The following TPRG1 variants were observed in gnomAD, a reference collection of about 807,000 sequenced individuals.
TPRG1 encodes the protein tumor protein p63-regulated gene 1 protein.
Under a neutral mutation model 29.3 loss-of-function variants are expected in TPRG1, and 29 were observed. The observed-to-expected ratio is 0.99, with a 90% CI of 0.74 to 1.35. TPRG1 has a LOEUF of 1.35. TPRG1 is among the 40% of genes most tolerant of loss of function. The pLI is 0.00. For missense variants in TPRG1, 327 were observed against 335.0 expected, an observed-to-expected ratio of 0.98 and a Z score of 0.19; for synonymous variants, 130 against 116.8, an observed-to-expected ratio of 1.11 and a Z score of -0.73.
chr3:189,238,375 G>A (rs756225384), intron 3 of TPRG1, among the ~76,000 whole-genome samples: 6 of 152,214 alleles, frequency 3.9e-5, no homozygotes, highest in Non-Finnish European at 7.3e-5. Context: ...TGTCCATGAA[G>A]GAAGATGTCC....
chr3:189,088,486 C>G (rs922731605), intron 4 of TPRG1, among the ~76,000 whole-genome samples: 8 of 152,110 alleles, frequency 5.3e-5, no homozygotes, highest in African/African-American at 1.4e-4. Context: ...AATTGAATAC[C>G]CTTTATTTCT....
intron 4 of TPRG1, among the ~76,000 whole-genome samples, chr3:189,299,182 A>C (rs1720436509): frequency 6.6e-6 from 1 of 152,070 alleles, no homozygotes; most frequent in South Asian, 2.1e-4. Context: ...CACAAACCTG[A>C]GGCCAGTGAT....
At chr3:189,292,354 T>A (rs543404114) in intron 4 of TPRG1, among the ~76,000 whole-genome samples, 1 of 152,006 alleles carries the variant, frequency 6.6e-6, no homozygotes, top group East Asian at 1.9e-4. Context: ...CCATTAAATT[T>A]TATGTAAAAA....
chr3:189,022,913 C>T (rs184327383), intron 3 of TPRG1, among the ~76,000 whole-genome samples: 62 of 151,854 alleles, frequency 4.1e-4, no homozygotes, highest in African/African-American at 1.3e-3. Context: ...AGCCAGGTGC[C>T]GGATATAATC....
chr3:189,172,888 G>A (rs1728998628), intron 1 of TPRG1, among the ~76,000 whole-genome samples: 2 of 152,206 alleles, frequency 1.3e-5, no homozygotes. Flanking sequence ...AGGCAGCGTA[G>A]TGAGGCACAG....
intron 1 of TPRG1, among the ~76,000 whole-genome samples, chr3:189,111,482 C>T (rs937152535): frequency 4.6e-5 from 7 of 152,044 alleles, no homozygotes; most frequent in Non-Finnish European, 7.4e-5. Flanking sequence ...GGAGGGGCTT[C>T]TTATTTATGA....
intron 1 of TPRG1, among the ~76,000 whole-genome samples, chr3:189,125,134 A>G (rs538752707): frequency 3.3e-4 from 51 of 152,344 alleles, no homozygotes; most frequent in African/African-American, 1.2e-3. Context: ...GCTTATACTC[A>G]GACAAAAAGT....
At chr3:189,144,228 C>A (rs1724950861) in intron 3 of TPRG1, among the ~76,000 whole-genome samples, 1 of 152,188 alleles carries the variant, frequency 6.6e-6, no homozygotes, top group African/African-American at 2.4e-5. Context: ...CACCTACATC[C>A]TCCTGGATTC....
At chr3:189,007,981 G>A (rs141083913) in intron 3 of TPRG1, among the ~76,000 whole-genome samples, 5,745 of 148,666 alleles carry the variant, frequency 0.039, 401 homozygotes, top group African/African-American at 0.14. Context: ...GCACCAGCAT[G>A]GCACATGTAT....
At chr3:189,074,236 C>T (rs1248952327) in intron 4 of TPRG1, among the ~76,000 whole-genome samples, 5 of 126,922 alleles carry the variant, frequency 3.9e-5, no homozygotes, top group Admixed American at 9.2e-5. Flanking sequence ...CGTGGAGTCT[C>T]GCTCTGTCAC....
intron 3 of TPRG1, among the ~76,000 whole-genome samples, chr3:189,223,496 C>A (rs575824200): frequency 6.6e-6 from 1 of 152,286 alleles, no homozygotes; most frequent in South Asian, 2.1e-4. Context: ...ATGGCAGCAA[C>A]CTTACCCTGA....
At chr3:189,060,072 A>G (rs1716000160) in intron 4 of TPRG1, among the ~76,000 whole-genome samples, 1 of 152,152 alleles carries the variant, frequency 6.6e-6, no homozygotes, top group Non-Finnish European at 1.5e-5. Flanking sequence ...GTCTCTACTA[A>G]AAATACAAAA....
intron 3 of TPRG1, among the ~76,000 whole-genome samples, chr3:189,008,100 T>C (rs1712402116): frequency 6.7e-6 from 1 of 149,800 alleles, no homozygotes; most frequent in African/African-American, 2.5e-5. Context: ...AAAAAAATGA[T>C]TCAAGGGATC....
chr3:189,308,513 A>G (rs1327318971), intron 4 of TPRG1, among the ~76,000 whole-genome samples: 1 of 152,206 alleles, frequency 6.6e-6, no homozygotes, highest in Non-Finnish European at 1.5e-5. Context: ...TTAGCTTCAG[A>G]TTAATCTTCC....
intron 4 of TPRG1, among the ~76,000 whole-genome samples, chr3:189,249,675 G>A (rs1043955949): frequency 3.3e-5 from 5 of 151,870 alleles, no homozygotes; most frequent in African/African-American, 4.8e-5. Flanking sequence ...TTCTAACAGA[G>A]TAATCATAGG....
chr3:189,098,447 C>T (rs991251292), upstream of TPRG1, among the ~76,000 whole-genome samples: 9 of 152,116 alleles, frequency 5.9e-5, no homozygotes, highest in African/African-American at 2.2e-4. Flanking sequence ...ATGGGTCTCA[C>T]ATTTTTCCTT....
chr3:189,165,775 G>T (rs1179339643), intron 5 of TPRG1, among the ~76,000 whole-genome samples: 1 of 152,150 alleles, frequency 6.6e-6, no homozygotes, highest in Non-Finnish European at 1.5e-5. Context: ...GGACCCCAAA[G>T]ATGCAGAAAG....
rs566515163 is a variant in TPRG1, at chr3:189,064,632, C to A, written c.-463+40686C>A. Among the ~76,000 whole-genome samples, 9 of 152,080 alleles carry A rather than the reference C, an allele frequency of 5.9e-5. No individual in the cohort carries two copies. In the South Asian group the frequency reaches 1.9e-3, roughly 32 times the overall value. ...AGTCAGTAAAATCAATAATCTCTAACAATACTAGTAAAAATAAAAAGTGAG... is the reference window on the plus strand; with the variant it reads ...AGTCAGTAAAATCAATAATCTCTAAAAATACTAGTAAAAATAAAAAGTGAG... On this transcript the variant is annotated intron_variant, in intron 4 of 10. Coordinates refer to the TPRG1 transcript ENST00000433971.
chr3:189,162,529 A>G (rs1292446378), intron 5 of TPRG1, among the ~76,000 whole-genome samples: 2 of 152,248 alleles, frequency 1.3e-5, no homozygotes, highest in Non-Finnish European at 2.9e-5. Context: ...TAATATGACA[A>G]TGAAGATACA....
Sources: gnomAD v4.1 joint callset for allele counts (sites outside exome capture counted in the v4.1 genomes callset) on GRCh38, gnomAD v4.1.1 for gene constraint, MANE v1.5 for transcripts, NCBI Gene and HGNC (gene_info 2026-07-23, HGNC 2026-07-21) for gene names.